NDST4: variants seen among roughly 807,000 people sequenced by gnomAD.
NDST4 encodes the protein N-deacetylase and N-sulfotransferase 4.
NDST4 carries 63 observed loss-of-function variants against 100.8 expected under a neutral mutation model. The ratio of observed to expected loss-of-function variants is 0.62; its 90% confidence interval spans 0.51 to 0.77. The LOEUF is 0.77. NDST4 is among the 30% of genes least tolerant of loss of function. NDST4 has a pLI of 0.00. For synonymous variants in NDST4, 377 were observed against 361.8 expected, an observed-to-expected ratio of 1.04 and a Z score of -0.48; for missense variants, 943 against 1,018.4, an observed-to-expected ratio of 0.93 and a Z score of 1.01.
At chr4:114,876,270 G>C (rs1724252344) in intron 6 of NDST4, among the ~76,000 whole-genome samples, 1 of 152,060 alleles carries the variant, frequency 6.6e-6, no homozygotes, top group South Asian at 2.1e-4. Flanking sequence ...TTTCAGAATA[G>C]TTCATTGTGT....
In NDST4 at chr4:115,057,405, C is replaced by T. The variant is rs554011347; in HGVS notation, c.978+18654G>A. 6.1e-4 allele frequency among the ~76,000 whole-genome samples: 92 copies of T among 151,112 alleles called. No homozygotes were observed. The South Asian group carries it at 9.6e-3, about 16-fold the overall frequency. ...AGAGAGTGATGAAAAGGCAGAATTC[C>T]GGGAAGGGGAAGAGAAGAAGAATGA... On this transcript the variant is annotated intron_variant, in intron 2 of 13. Coordinates refer to ENST00000264363, the MANE Select transcript of NDST4 (RefSeq NM_022569.3).
At chr4:115,045,322 T>C (rs1461614699) in intron 2 of NDST4, among the ~76,000 whole-genome samples, 2 of 152,164 alleles carry the variant, frequency 1.3e-5, no homozygotes, top group Non-Finnish European at 2.9e-5. Flanking sequence ...GCCTATGTTG[T>C]GCAAAAAGAA....
At chr4:115,066,764 C>T (rs1238496584) in intron 2 of NDST4, among the ~76,000 whole-genome samples, 9 of 152,102 alleles carry the variant, frequency 5.9e-5, no homozygotes, top group Non-Finnish European at 1.2e-4. Flanking sequence ...GTAATCCCTC[C>T]CTGACAAGGG....
chr4:115,082,428 C>T (rs1729322768), intron 1 of NDST4, among the ~76,000 whole-genome samples: 1 of 152,078 alleles, frequency 6.6e-6, no homozygotes, highest in African/African-American at 2.4e-5. Flanking sequence ...ACAGGTACTA[C>T]TGTAGTTATT....
rs1406597666 is a variant in NDST4, at chr4:115,010,468, T to C, written c.979-33194A>G. Among the ~76,000 whole-genome samples, 20 of 127,490 alleles carry C rather than the reference T, an allele frequency of 1.6e-4. 5 individuals carry two copies. The highest frequency in any genetic ancestry group is 5.1e-4 in the African/African-American group (17 of 33,540). 83.6% of individuals were successfully genotyped at this position (127,490 alleles called of 152,430 possible). On this transcript the variant is annotated intron_variant, in intron 2 of 13. Transcript: ENST00000264363. ...AACAAACACCGCATATTCTTACTCA[T>C]AGGTGGGAATTGAACAATGAGTACA...
intron 4 of NDST4, among the ~76,000 whole-genome samples, chr4:114,944,397 A>G (rs1725816188): frequency 6.6e-6 from 1 of 152,202 alleles, no homozygotes; most frequent in South Asian, 2.1e-4. Context: ...AACTCTGATG[A>G]TCTTTTTTCG....
intron 4 of NDST4, among the ~76,000 whole-genome samples, chr4:114,948,325 T>C (rs1725914925): frequency 6.7e-6 from 1 of 149,442 alleles, no homozygotes; most frequent in South Asian, 2.2e-4. Context: ...TTTTATGACA[T>C]CCTGTGCCTT....
chr4:114,988,551 T>C (rs1394082512), intron 2 of NDST4, among the ~76,000 whole-genome samples: 2 of 151,420 alleles, frequency 1.3e-5, no homozygotes, highest in South Asian at 2.1e-4. Context: ...TTAGTAGAGA[T>C]GGGGTTTCAC....
chr4:115,039,840 T>A (rs1383360088), intron 2 of NDST4, among the ~76,000 whole-genome samples: 2 of 152,094 alleles, frequency 1.3e-5, no homozygotes, highest in Non-Finnish European at 2.9e-5. Flanking sequence ...TATATATCCT[T>A]TCTCCCATAC....
At chr4:114,865,388 T>G (rs760547995) in intron 7 of NDST4, among the ~76,000 whole-genome samples, 14 of 152,174 alleles carry the variant, frequency 9.2e-5, no homozygotes, top group Non-Finnish European at 1.8e-4. Context: ...CTAATGACTG[T>G]GTACTTTTGA....
At chr4:114,930,156 A>T (rs1253220435) in intron 6 of NDST4, among the ~76,000 whole-genome samples, 1 of 152,214 alleles carries the variant, frequency 6.6e-6, no homozygotes, top group African/African-American at 2.4e-5. Context: ...TGATGTTTTT[A>T]AAAAATATAT....
chr4:114,889,230 G>C (rs1162046970), intron 6 of NDST4, among the ~76,000 whole-genome samples: 2 of 152,170 alleles, frequency 1.3e-5, no homozygotes, highest in African/African-American at 4.8e-5. Flanking sequence ...TGGAAAACAG[G>C]GATATTCTTT....
chr4:114,916,536 C>CTGTGTGTGTG (rs537961796), intron 6 of NDST4, among the ~76,000 whole-genome samples: 72 of 129,106 alleles, frequency 5.6e-4, no homozygotes, highest in African/African-American at 1.3e-3. Flanking sequence ...CTGGTAGGCT[C>CTGTGTGTGTG]TGTGTGTGTG....
intron 2 of NDST4, among the ~76,000 whole-genome samples, chr4:114,996,478 A>G (rs1435690571): frequency 1.3e-5 from 2 of 152,122 alleles, no homozygotes; most frequent in Non-Finnish European, 2.9e-5. Context: ...ATGACTCATA[A>G]CTAATTCCCA....
intron 3 of NDST4, among the ~76,000 whole-genome samples, chr4:114,972,521 AC>A (rs1193871614): frequency 2.0e-5 from 3 of 152,024 alleles, no homozygotes; most frequent in African/African-American, 7.2e-5. Flanking sequence ...TAATTCATTG[AC>A]TTTTGTTAAT....
chr4:115,025,686 T>C (rs1727968221), intron 2 of NDST4, among the ~76,000 whole-genome samples: 1 of 152,142 alleles, frequency 6.6e-6, no homozygotes, highest in African/African-American at 2.4e-5. Flanking sequence ...CTCTGTAGTA[T>C]ATATTTATTC....
intron 1 of NDST4, among the ~76,000 whole-genome samples, chr4:115,081,590 C>T (rs546567486): frequency 2.6e-5 from 4 of 152,006 alleles, no homozygotes; most frequent in Non-Finnish European, 5.9e-5. Context: ...TTTCAAAAGG[C>T]ACGTGTTAAA....
intron 1 of NDST4, among the ~76,000 whole-genome samples, chr4:115,106,194 G>C (rs963470576): frequency 1.3e-5 from 2 of 152,174 alleles, no homozygotes; most frequent in Admixed American, 6.6e-5. Context: ...ATGAGGCATC[G>C]GGAAACTGAG....
chr4:114,953,104 G>A (rs1286178511), intron 4 of NDST4, among the ~76,000 whole-genome samples: 10 of 149,152 alleles, frequency 6.7e-5, no homozygotes, highest in South Asian at 4.2e-4. Context: ...GCAGTGCTGC[G>A]TGGTGGTACA....
Sources: gnomAD v4.1 joint callset for allele counts (sites outside exome capture counted in the v4.1 genomes callset) on GRCh38, gnomAD v4.1.1 for gene constraint, MANE v1.5 for transcripts, NCBI Gene and HGNC (gene_info 2026-07-23, HGNC 2026-07-21) for gene names.